NPAS2: variants seen among roughly 807,000 people sequenced by gnomAD.
NPAS2 encodes neuronal PAS domain-containing protein 2.
In NPAS2, 23 loss-of-function variants were observed where a neutral mutation model predicts 107.5. The ratio of observed to expected loss-of-function variants is 0.21; its 90% CI spans 0.15 to 0.30. The LOEUF (loss-of-function observed/expected upper bound fraction) is 0.30. Ranked by LOEUF, NPAS2 falls within the 10% of genes least tolerant of loss-of-function variation. The pLI is 1.00. For missense variants in NPAS2, 756 were observed against 1,043.3 expected, an observed-to-expected ratio of 0.72 and a Z score of 3.79; for synonymous variants, 403 against 417.5, an observed-to-expected ratio of 0.97 and a Z score of 0.42.
chr2:100,879,100 G>C (rs1329983803), intron 1 of NPAS2, among the ~76,000 whole-genome samples: 1 of 148,454 alleles, frequency 6.7e-6, no homozygotes, highest in Non-Finnish European at 1.5e-5. Flanking sequence ...GCGACAGAGC[G>C]AGACTCTGTC....
At chr2:100,824,584 G>T (rs1357903205) in intron 1 of NPAS2, among the ~76,000 whole-genome samples, 3 of 152,052 alleles carry the variant, frequency 2.0e-5, no homozygotes, top group Non-Finnish European at 4.4e-5. Flanking sequence ...AACTAGTGCC[G>T]AGCGTGTTGG....
rs2305160 is a variant in NPAS2 at position 100,974,842 on chromosome 2, A to G, written c.1180A>G (p.Thr394Ala). The G allele has an allele frequency of 0.68, 1,101,747 of 1,613,724 alleles. 380,103 individuals are homozygous for G. The highest frequency in any genetic ancestry group is 0.9 in the African/African-American group (67,626 of 75,022). Residue 394 changes from threonine to alanine, a missense_variant, in exon 13 of 21, where the codon ACA (threonine) becomes GCA (alanine). Transcript: ENST00000335681. ...SSLEPRQHFN[T>A]LDVGASGLNT... ...CCTGGAACCTCGGCAGCACTTTAAC[A>G]CACTCGACGTGGGTGCCTCGGGCCT... is the stretch of plus-strand genomic sequence containing the variant.
intron 1 of NPAS2, among the ~76,000 whole-genome samples, chr2:100,825,434 A>G (rs1418171885): frequency 6.6e-6 from 1 of 152,260 alleles, no homozygotes; most frequent in Non-Finnish European, 1.5e-5. Flanking sequence ...CTTAAAAAGC[A>G]CATGGATATA....
At chr2:100,842,851 G>A (rs1677527919) in intron 1 of NPAS2, among the ~76,000 whole-genome samples, 1 of 152,120 alleles carries the variant, frequency 6.6e-6, no homozygotes, top group South Asian at 2.1e-4. Context: ...ATTGTAGCTG[G>A]ATTCTTTTTA....
intron 1 of NPAS2, among the ~76,000 whole-genome samples, chr2:100,851,839 C>T (rs538086390): frequency 6.6e-6 from 1 of 152,156 alleles, no homozygotes; most frequent in South Asian, 2.1e-4. Context: ...CTGGGTCTTC[C>T]GGGTTTTTGA....
intron 7 of NPAS2, among the ~76,000 whole-genome samples, chr2:100,962,179 C>A (rs528700274): frequency 4.6e-5 from 7 of 152,062 alleles, no homozygotes; most frequent in African/African-American, 1.7e-4. Context: ...TTTATTTTGC[C>A]CACTTTATAT....
At chr2:100,888,944 T>C (rs1056123784) in intron 1 of NPAS2, among the ~76,000 whole-genome samples, 3 of 152,190 alleles carry the variant, frequency 2.0e-5, no homozygotes, top group Non-Finnish European at 4.4e-5. Context: ...AGGAACTCAG[T>C]CTCTTTTTAA....
At chr2:100,877,748 C>G (rs1394972989) in intron 1 of NPAS2, among the ~76,000 whole-genome samples, 1 of 152,106 alleles carries the variant, frequency 6.6e-6, no homozygotes, top group Non-Finnish European at 1.5e-5. Flanking sequence ...TATGGCGTGA[C>G]TCATCACCGA....
intron 1 of NPAS2, among the ~76,000 whole-genome samples, chr2:100,876,018 G>C (rs1223341452): frequency 1.3e-5 from 2 of 152,154 alleles, no homozygotes; most frequent in Non-Finnish European, 2.9e-5. Flanking sequence ...TATAAATCCT[G>C]TTATCCCATT....
chr2:100,980,695 T>A (rs1450805408), intron 15 of NPAS2, among the ~76,000 whole-genome samples: 1 of 152,174 alleles, frequency 6.6e-6, no homozygotes, highest in Non-Finnish European at 1.5e-5. Context: ...GGTCTCAAAC[T>A]CTTGATCTCA....
intron 1 of NPAS2, among the ~76,000 whole-genome samples, chr2:100,858,523 C>T (rs962144393): frequency 6.6e-5 from 10 of 152,082 alleles, no homozygotes; most frequent in African/African-American, 2.4e-4. Flanking sequence ...TCTGTGTTCC[C>T]TTTCGTTATG....
chr2:100,968,402 C>T lies in NPAS2; in HGVS notation c.1029C>T (p.Phe343=), dbSNP rs1201983169. 3 of 1,614,122 alleles carry T rather than the reference C, an allele frequency of 1.9e-6. No homozygotes were observed. The highest frequency in any genetic ancestry group is 2.5e-6 in the Non-Finnish European group (3 of 1,180,016). ...TYHQWNSKPE[F]IVCTHSVVSY... is the part of the protein sequence containing the mutation. ...ATCAGTGGAACTCCAAGCCCGAGTT[C>T]ATCGTGTGCACACACTCGGTGGTCA... Residue 343 remains phenylalanine, a synonymous_variant, in exon 11 of 21, where the codon TTC becomes TTT. Transcript: ENST00000335681. The surrounding 1 kb of genome is among the most constrained non-coding windows in gnomAD (Gnocchi z 5.3).
Position 100,971,047 on chromosome 2 carries a change from C to A in NPAS2, c.1113C>A (p.Ser371=), listed in dbSNP as rs372053906. 6.2e-7 allele frequency: 1 copy of A among 1,614,116 alleles called. No individual in the cohort carries two copies. Among genetic ancestry groups the A allele is most frequent in the South Asian group, 1.1e-5 (1 of 91,074 alleles). Residue 371 remains serine, a synonymous_variant, in exon 12 of 21, where the codon TCC becomes TCA. Coordinates refer to ENST00000335681, the MANE Select transcript of NPAS2 (RefSeq NM_002518.4). ...AGCTGGCTCTGGAAGACCCGCCATCCGAGGCCCTCCACTCCTCAGCACTAA... is the reference window on the plus strand; with the variant it reads ...AGCTGGCTCTGGAAGACCCGCCATCAGAGGCCCTCCACTCCTCAGCACTAA... ...RQELALEDPP[S]EALHSSALKD... is the part of the protein sequence containing the mutation.
At chr2:100,902,140 C>A (rs1212391164) in intron 1 of NPAS2, among the ~76,000 whole-genome samples, 16 of 152,156 alleles carry the variant, frequency 1.1e-4, no homozygotes, top group Non-Finnish European at 2.4e-4. Flanking sequence ...GTCATTGTCA[C>A]CCCCTAAACT....
intron 1 of NPAS2, among the ~76,000 whole-genome samples, chr2:100,848,987 G>C (rs924133901): frequency 6.6e-6 from 1 of 152,226 alleles, no homozygotes; most frequent in African/African-American, 2.4e-5. Flanking sequence ...AGATGCCGCA[G>C]GTCATCCAGC....
In NPAS2 at chr2:100,968,253, A is replaced by G. The variant is rs774803887; in HGVS notation, c.908-28A>G. The G allele has an allele frequency of 1.9e-5, 30 of 1,609,622 alleles. No individual in the cohort carries two copies. The highest frequency in any genetic ancestry group is 2.6e-5 in the Non-Finnish European group (30 of 1,176,278). ...GATCATTTTCATATTAACATTGGTT[A>G]TATGCGGAATCCATTTTCTACCGAC... On this transcript the variant is annotated intron_variant, in intron 10 of 20. Coordinates refer to ENST00000335681, the MANE Select transcript of NPAS2 (RefSeq NM_002518.4). This position sits in a 1 kb window ranked among gnomAD's most constrained non-coding sequence, Gnocchi z 5.3.
intron 17 of NPAS2, chr2:100,988,665 A>G: frequency 3.1e-6 from 1 of 320,204 alleles, no homozygotes; most frequent in Non-Finnish European, 6.0e-6. Flanking sequence ...TCTGGTTTTA[A>G]CCATTACCCA....
chr2:100,964,206 G>A (rs747345182), intron 8 of NPAS2, 30 bp downstream of exon 8: 19 of 1,370,054 alleles, frequency 1.4e-5, no homozygotes, highest in East Asian at 4.6e-5. Context: ...TTCATTGTGC[G>A]GAGCTGTTAT....
chr2:100,969,630 G>A (rs555213525), intron 11 of NPAS2, among the ~76,000 whole-genome samples: 2 of 152,266 alleles, frequency 1.3e-5, no homozygotes, highest in East Asian at 1.9e-4. Flanking sequence ...GCTGCTTGAT[G>A]ATGGATATGT....
Sources: gnomAD v4.1 joint callset for allele counts (sites outside exome capture counted in the v4.1 genomes callset) on GRCh38, gnomAD v4.1.1 for gene constraint, Gnocchi (gnomAD v3.1) non-coding constraint, MANE v1.5 for transcripts, NCBI Gene and HGNC (gene_info 2026-07-23, HGNC 2026-07-21) for gene names.